ABCC2: variants seen among roughly 807,000 people sequenced by gnomAD.
ABCC2 encodes ATP-binding cassette sub-family C member 2.
Under a neutral mutation model 173.4 loss-of-function variants are expected in ABCC2, and 157 were observed. That is an observed-to-expected ratio of 0.91 (90% CI 0.80 to 1.03). The LOEUF (loss-of-function observed/expected upper bound fraction) is 1.03, where lower values mean the gene tolerates loss of function less well. ABCC2 is among the 50% of genes least tolerant of loss of function. The probability of loss-of-function intolerance (pLI) is 0.00; values close to 1 mark genes in which losing one functional copy is unlikely to be tolerated. For synonymous variants in ABCC2, 657 were observed against 693.5 expected (o/e 0.95, Z 0.83); for missense variants, 1,822 against 1,852.3 (o/e 0.98, Z 0.30).
At chr10:99,800,910 GA>G (rs1422061150) in intron 9 of ABCC2, among the ~76,000 whole-genome samples, 3 of 152,196 alleles carry the variant, frequency 2.0e-5, no homozygotes, top group East Asian at 3.9e-4. Flanking sequence ...TATAAGGTCA[GA>G]AAAGAAGCTG....
chr10:99,818,839 C>CT lies in ABCC2; in HGVS notation c.2322dup (p.Thr775TyrfsTer12), dbSNP rs1554851699. On this transcript the variant is annotated frameshift_variant, in exon 18 of 32. Coordinates refer to ENST00000647814, the MANE Select transcript of ABCC2 (RefSeq NM_000392.5). LOFTEE classifies it high-confidence loss of function. ...AAGCAGCGGATCAGCCTGGCCAGAG[C>CT]TACCTACCAAAATTTAGACATCTAT... is the stretch of plus-strand genomic sequence containing the variant. 1 of 1,614,186 alleles carries CT rather than the reference C, an allele frequency of 6.2e-7. No individual in the cohort carries two copies. Among genetic ancestry groups the CT allele is most frequent in the Non-Finnish European group, 8.5e-7 (1 of 1,180,040 alleles).
chr10:99,847,068 T>C lies in ABCC2; in HGVS notation c.4254T>C (p.Phe1418=). ...TGGAGCTGGCTCACCTCAAGTCTTTTGTGGCCAGCCTGCAACTTGGGTTAT... is the reference window on the plus strand; with the variant it reads ...TGGAGCTGGCTCACCTCAAGTCTTTCGTGGCCAGCCTGCAACTTGGGTTAT... ...KALELAHLKS[F]VASLQLGLSH... The change falls in exon 30 of 32, where the codon TTT becomes TTC. Residue 1418 remains phenylalanine (F), a synonymous_variant. Transcript: ENST00000647814. 4 of 1,614,190 alleles carry C rather than the reference T, an allele frequency of 2.5e-6. No homozygotes were observed. The highest frequency in any genetic ancestry group is 3.4e-6 in the Non-Finnish European group (4 of 1,180,032).
At chr10:99,801,227 G>GTTGTT (rs904709810) in intron 9 of ABCC2, among the ~76,000 whole-genome samples, 2 of 151,924 alleles carry the variant, frequency 1.3e-5, no homozygotes, top group African/African-American at 2.4e-5. Context: ...TGTTGTTGTT[G>GTTGTT]TTGTTTTGTT....
intron 2 of ABCC2, among the ~76,000 whole-genome samples, chr10:99,784,987 G>A (rs971193913): frequency 1.3e-5 from 2 of 152,150 alleles, no homozygotes; most frequent in Admixed American, 6.5e-5. Flanking sequence ...TAAGAATGGT[G>A]ACTCTTAATT....
chr10:99,821,802 C>A (rs1274954352), intron 19 of ABCC2, among the ~76,000 whole-genome samples: 1 of 151,886 alleles, frequency 6.6e-6, no homozygotes, highest in Non-Finnish European at 1.5e-5. Flanking sequence ...CCCACATTTC[C>A]CCCTTTTCTT....
chr10:99,784,575 T>C lies in ABCC2; in HGVS notation c.34-33T>C, dbSNP rs750425704. The C allele has an allele frequency of 1.4e-5, 22 of 1,612,250 alleles. No individual in the cohort carries two copies. In the East Asian group the frequency reaches 4.0e-4, roughly 29 times the overall value. ...GGTGGTTTTCTGTCTTCACAATGCA[T>C]GTATGCAACAATCCTTCCCCTTTGG... is the stretch of plus-strand genomic sequence containing the variant. On this transcript the variant is annotated intron_variant, in intron 1 of 31. Coordinates refer to ENST00000647814, the MANE Select transcript of ABCC2 (RefSeq NM_000392.5).
rs565240314 is a variant in ABCC2, at chr10:99,825,860, G to A, written c.2621-4447G>A. On this transcript the variant is annotated intron_variant, in intron 19 of 31. Coordinates refer to ENST00000647814, the MANE Select transcript of ABCC2 (RefSeq NM_000392.5). ...CGTGGCGGGGGACAATTGTTGTATC[G>A]TGGTAACTGGCTTATTCCCTGAAAC... Among the ~76,000 whole-genome samples the A allele has an allele frequency of 3.2e-3, 480 of 152,288 alleles. 4 individuals are homozygous for A. The highest frequency in any genetic ancestry group is 5.2e-3 in the Non-Finnish European group (354 of 68,028).
intron 6 of ABCC2, among the ~76,000 whole-genome samples, 154 bp from the exon 7 acceptor site, chr10:99,796,943 A>G (rs996241759): frequency 6.6e-6 from 1 of 151,394 alleles, no homozygotes; most frequent in Non-Finnish European, 1.5e-5. Flanking sequence ...TGCTCTCCCC[A>G]CTCCTCTGTC....
chr10:99,814,656 C>CACATATACAT (rs2038354589), intron 16 of ABCC2, among the ~76,000 whole-genome samples: 5 of 82,200 alleles, frequency 6.1e-5, no homozygotes, highest in African/African-American at 3.1e-4. Flanking sequence ...TATACACACA[C>CACATATACAT]ATATGTGTAT....
intron 5 of ABCC2, 83 bp downstream of exon 5, chr10:99,794,082 C>G: frequency 7.5e-7 from 1 of 1,328,996 alleles, no homozygotes; most frequent in Non-Finnish European, 1.1e-6. Context: ...GTCTGGGTCT[C>G]ACGGAGGCGC....
At chr10:99,816,128 C>T (rs1471621269) in intron 16 of ABCC2, among the ~76,000 whole-genome samples, 2 of 151,810 alleles carry the variant, frequency 1.3e-5, no homozygotes, top group African/African-American at 4.8e-5. Flanking sequence ...CCACCATGCC[C>T]GGCTAATTTT....
chr10:99,808,112 C>A lies in ABCC2; in HGVS notation c.1698C>A (p.Val566=), dbSNP rs755978891. 2 of 1,614,118 alleles carry A rather than the reference C, an allele frequency of 1.2e-6. No homozygotes were observed. The highest frequency in any genetic ancestry group is 3.3e-5 in the Admixed American group (2 of 60,014). The change falls in exon 13 of 32, where the codon GTC becomes GTA. Residue 566 remains valine (V), a synonymous_variant. Transcript: ENST00000647814. ...LVSVVTFSVY[V]LVDSNNILDA... ...CTGTGGTCACATTTTCTGTTTATGT[C>A]CTGGTGGATAGCAACAATATTTTGG...
At chr10:99,813,260 G>A (rs985683297) in intron 16 of ABCC2, 116 bp downstream of exon 16, 29 of 1,356,336 alleles carry the variant, frequency 2.1e-5, no homozygotes, top group Non-Finnish European at 2.6e-5. Context: ...GGAGACATCC[G>A]ATAGATTTGT....
chr10:99,846,804 T>C (rs2039024160), intron 29 of ABCC2, among the ~76,000 whole-genome samples, 157 bp from the exon 30 acceptor site: 1 of 152,138 alleles, frequency 6.6e-6, no homozygotes, highest in South Asian at 2.1e-4. Context: ...CTCCGAGCCT[T>C]AGGAGGGAAA....
At chr10:99,812,753 A>T (rs1302785799) in intron 15 of ABCC2, among the ~76,000 whole-genome samples, 1 of 152,214 alleles carries the variant, frequency 6.6e-6, no homozygotes, top group East Asian at 1.9e-4. Context: ...ATCATTGGAA[A>T]TGCACATTTG....
chr10:99,846,939 C>A, intron 29 of ABCC2, 22 bp from the exon 30 acceptor site: 1 of 1,614,028 alleles, frequency 6.2e-7, no homozygotes, highest in Non-Finnish European at 8.5e-7. Flanking sequence ...CCCCAACAGC[C>A]CCCTTGTCCT....
At chr10:99,805,681 C>T (rs572041080) in intron 11 of ABCC2, among the ~76,000 whole-genome samples, 1 of 152,226 alleles carries the variant, frequency 6.6e-6, no homozygotes, top group East Asian at 1.9e-4. Context: ...AGTGTTTAAA[C>T]ATGTAGAAAA....
Position 99,800,425 on chromosome 10 carries a change from G to C in ABCC2, c.1071G>C (p.Leu357Phe). ...TTGCAAGTGACCGTGACACATATTT[G>C]TGGATTGGATATCTCTGTGCAATCC... ...ISFASDRDTY[L>F]WIGYLCAILL... Residue 357 changes from leucine to phenylalanine, a missense_variant, in exon 9 of 32, where the codon TTG becomes TTC. Transcript: ENST00000647814. 1 of 1,614,152 alleles carries C rather than the reference G, an allele frequency of 6.2e-7. No homozygotes were observed.
intron 3 of ABCC2, 79 bp from the exon 4 acceptor site, chr10:99,793,472 A>ATG (rs2037841501): frequency 1.3e-6 from 2 of 1,593,420 alleles, no homozygotes; most frequent in Non-Finnish European, 1.7e-6. Context: ...CTTTCTTCCC[A>ATG]TGTTCTCTGA....
Sources: gnomAD v4.1 joint callset for allele counts (sites outside exome capture counted in the v4.1 genomes callset) on GRCh38, gnomAD v4.1.1 for gene constraint, MANE v1.5 for transcripts, NCBI Gene and HGNC (gene_info 2026-07-23, HGNC 2026-07-21) for gene names.